Variants in SMIM10L3 observed in about 807,000 individuals in gnomAD.
The protein encoded by SMIM10L3 is salivary gland specific protein SAGSIN1.
chr7:6,343,499 T>C, the SMIM10L3 span, among the ~76,000 whole-genome samples: 478 of 145,656 alleles, frequency 3.3e-3, 4 homozygotes, highest in African/African-American at 0.012. Context: ...AACTGAAAAG[T>C]TGTAGGCATG....
At chr7:6,331,417 C>T in the SMIM10L3 span, among the ~76,000 whole-genome samples, 1 of 152,206 alleles carries the variant, frequency 6.6e-6, no homozygotes, top group Non-Finnish European at 1.5e-5. Flanking sequence ...CCCACCTCAG[C>T]GTCCCAAAGT....
the SMIM10L3 span, chr7:6,348,764 G>A: frequency 2.0e-5 from 8 of 399,062 alleles, no homozygotes; most frequent in African/African-American, 1.6e-4. Context: ...GCCATATAGA[G>A]ACCGGCGCTC....
chr7:6,339,808 C>A, the SMIM10L3 span, among the ~76,000 whole-genome samples: 2 of 151,918 alleles, frequency 1.3e-5, no homozygotes, highest in Non-Finnish European at 2.9e-5. Flanking sequence ...CTCCCCCTCC[C>A]GGTCCCCTGG....
chr7:6,344,750 A>T, the SMIM10L3 span, among the ~76,000 whole-genome samples: 3 of 150,880 alleles, frequency 2.0e-5, no homozygotes, highest in Non-Finnish European at 3.0e-5. Flanking sequence ...TTTTATTATT[A>T]TTTTTTTGGA....
chr7:6,333,017 C>T, the SMIM10L3 span, among the ~76,000 whole-genome samples: 10 of 151,992 alleles, frequency 6.6e-5, no homozygotes, highest in South Asian at 8.3e-4. Flanking sequence ...AACAGCCAGA[C>T]GTGCTGGCGG....
chr7:6,343,404 AT>A, the SMIM10L3 span, among the ~76,000 whole-genome samples: 151 of 11,128 alleles, frequency 0.014, 2 homozygotes, highest in Middle Eastern at 0.05. Flanking sequence ...TTTCATATAT[AT>A]ATATATATAT....
chr7:6,331,192 C>G, the SMIM10L3 span: 12 of 1,578,778 alleles, frequency 7.6e-6, no homozygotes, highest in Non-Finnish European at 1.0e-5. Context: ...TGAGGTCACG[C>G]CTTCGTCAGT....
the SMIM10L3 span, among the ~76,000 whole-genome samples, chr7:6,334,261 C>T: frequency 9.9e-5 from 15 of 151,100 alleles, no homozygotes; most frequent in African/African-American, 2.9e-4. Flanking sequence ...ACTGGCTGGG[C>T]GCAGTGGCTC....
chr7:6,331,983 G>T, the SMIM10L3 span, among the ~76,000 whole-genome samples: 1 of 151,816 alleles, frequency 6.6e-6, no homozygotes, highest in South Asian at 2.1e-4. Flanking sequence ...GTGATGGCAG[G>T]TGTCTGTAAT....
At chr7:6,337,205 G>A in the SMIM10L3 span, among the ~76,000 whole-genome samples, 62 of 152,200 alleles carry the variant, frequency 4.1e-4, no homozygotes, top group Middle Eastern at 3.4e-3. Flanking sequence ...CCAAGTAGCT[G>A]AGACTACAGG....
chr7:6,330,515 C>G, the SMIM10L3 span: 41 of 1,613,990 alleles, frequency 2.5e-5, no homozygotes, highest in Non-Finnish European at 3.2e-5. Flanking sequence ...TTTAAACGGT[C>G]AAGGAAAATG....
chr7:6,331,116 T>G, the SMIM10L3 span: 3 of 1,613,178 alleles, frequency 1.9e-6, no homozygotes, highest in Admixed American at 3.3e-5. Context: ...GCTGCACTTG[T>G]GCCAGGCAGG....
At chr7:6,337,375 G>A in the SMIM10L3 span, among the ~76,000 whole-genome samples, 2 of 152,142 alleles carry the variant, frequency 1.3e-5, no homozygotes, top group Non-Finnish European at 2.9e-5. Flanking sequence ...ACCCGCCTCA[G>A]CCTCCCAAAG....
the SMIM10L3 span, among the ~76,000 whole-genome samples, chr7:6,344,479 G>A: frequency 1.3e-5 from 2 of 152,020 alleles, no homozygotes; most frequent in African/African-American, 4.8e-5. Flanking sequence ...CTGGAGTACA[G>A]TGGTACAATT....
chr7:6,348,878 G>C, the SMIM10L3 span: 1 of 388,648 alleles, frequency 2.6e-6, no homozygotes, highest in Non-Finnish European at 4.5e-6. Context: ...ACCGGCGGGC[G>C]GGCGGGCCGC....
At chr7:6,344,389 T>C in the SMIM10L3 span, among the ~76,000 whole-genome samples, 9 of 152,282 alleles carry the variant, frequency 5.9e-5, no homozygotes, top group Admixed American at 2.0e-4. Context: ...TGGCTGCTTG[T>C]TGCACTTGGT....
the SMIM10L3 span, among the ~76,000 whole-genome samples, chr7:6,337,832 C>G: frequency 1.3e-5 from 2 of 148,526 alleles, no homozygotes; most frequent in Non-Finnish European, 3.0e-5. Context: ...GAGACAGAGT[C>G]TTGCTCTGTC....
the SMIM10L3 span, chr7:6,331,295 T>A: frequency 1.3e-6 from 1 of 742,624 alleles, no homozygotes; most frequent in Non-Finnish European, 2.2e-6. Flanking sequence ...TAAGAGCATC[T>A]ACACCCACCA....
the SMIM10L3 span, chr7:6,330,018 C>G: frequency 3.7e-5 from 9 of 246,346 alleles, no homozygotes; most frequent in Middle Eastern, 3.3e-3. Context: ...GGTGATCAGA[C>G]AAGTCAAAAG....
Sources: allele counts gnomAD v4.1 joint callset (sites outside exome capture counted in the v4.1 genomes callset), GRCh38; gene constraint gnomAD v4.1.1; transcripts MANE v1.5; gene names NCBI Gene and HGNC (gene_info 2026-07-23, HGNC 2026-07-21).